ANO1: variants seen among roughly 807,000 people sequenced by gnomAD.
The protein encoded by ANO1 is anoctamin-1.
Under a neutral mutation model 124.0 loss-of-function variants are expected in ANO1, and 59 were observed. The ratio of observed to expected loss-of-function variants is 0.48; its 90% CI spans 0.39 to 0.59. The LOEUF (loss-of-function observed/expected upper bound fraction) is 0.59, where lower values mean the gene tolerates loss of function less well. Ranked by LOEUF, ANO1 falls within the 20% of genes least tolerant of loss-of-function variation. The pLI is 0.00. For missense variants in ANO1, 1,059 were observed against 1,328.0 expected, an observed-to-expected ratio of 0.80 and a Z score of 3.15; for synonymous variants, 529 against 532.0, an observed-to-expected ratio of 0.99 and a Z score of 0.08.
intron 7 of ANO1, among the ~76,000 whole-genome samples, chr11:70,113,739 G>A (rs2045877198): frequency 6.6e-6 from 1 of 152,092 alleles, no homozygotes; most frequent in South Asian, 2.1e-4. Context: ...AAAGGGAAAG[G>A]GGAGAAATGA....
Position 70,163,377 on chromosome 11 carries a change from T to C in ANO1, c.1950+37T>C. On this transcript the variant is annotated intron_variant, in intron 19 of 25. Transcript: ENST00000355303. ...TTTATTCATCTCTGGCAGCCCCTTC[T>C]GTCTTGCTTACGATTTGTCTACACC... The C allele has an allele frequency of 1.9e-6, 3 of 1,610,356 alleles. No individual in the cohort carries two copies. The South Asian group carries it at 3.3e-5, about 18-fold the overall frequency.
intron 1 of ANO1, among the ~76,000 whole-genome samples, chr11:69,996,726 T>A (rs549760273): frequency 6.6e-6 from 1 of 152,138 alleles, no homozygotes. Context: ...TCCAGCATTC[T>A]CTCTCCCCAA....
intron 1 of ANO1, among the ~76,000 whole-genome samples, chr11:70,026,091 T>TGAC (rs1396232387): frequency 6.9e-6 from 1 of 144,460 alleles, no homozygotes; most frequent in Non-Finnish European, 1.5e-5. Context: ...ATGATGATGA[T>TGAC]GATGACGGTG....
chr11:70,095,344 GAAAA>G lies in ANO1; in HGVS notation c.441+7262_441+7265del, dbSNP rs1012629003. 8.9e-4 allele frequency among the ~76,000 whole-genome samples: 88 copies of G among 99,088 alleles called. 3 individuals are homozygous for G. Among genetic ancestry groups the G allele is most frequent in the East Asian group, 1.6e-3 (5 of 3,102 alleles). The allele number at this position is 99,088 out of a possible 152,430, so 65.0% of individuals were successfully genotyped here. A position where few individuals can be genotyped will look rare whatever the true frequency, so the allele number is the denominator to read the frequency against. The stretch of plus-strand genomic sequence containing the variant: ...AGGAAAGAAAGAAAGGAAAGAGAAA[GAAAA>G]AGAAAGAAAGAAAGAAAGAAAGAAA... On this transcript the variant is annotated intron_variant, in intron 2 of 25. Coordinates refer to ENST00000355303, the MANE Select transcript of ANO1 (RefSeq NM_018043.7).
At chr11:70,127,892 A>C (rs988036806) in intron 10 of ANO1, among the ~76,000 whole-genome samples, 1 of 152,224 alleles carries the variant, frequency 6.6e-6, no homozygotes, top group East Asian at 1.9e-4. Flanking sequence ...GGAATTGACT[A>C]TAAAGGGGAA....
rs1334761129 is a variant in ANO1, at chr11:70,084,065, GC to G, written c.109-3685del. 2.6e-5 allele frequency among the ~76,000 whole-genome samples: 4 copies of G among 152,258 alleles called. No homozygotes were observed. The East Asian group carries it at 5.8e-4, about 22-fold the overall frequency. The stretch of plus-strand genomic sequence containing the variant: ...AGGCAAGGAGGAGGGACTGGGGAAG[GC>G]CTGGGGGAGGGGGAGAGGAGACTGG... On this transcript the variant is annotated intron_variant, in intron 1 of 25. Transcript: ENST00000355303.
intron 1 of ANO1, among the ~76,000 whole-genome samples, chr11:70,029,898 C>A (rs1555003636): frequency 6.6e-6 from 1 of 152,162 alleles, no homozygotes; most frequent in Admixed American, 6.5e-5. Flanking sequence ...GTGTCTGTGT[C>A]CTGTGTCCAA....
In ANO1 at chr11:70,078,665, T is replaced by G. The variant is rs780533690; in HGVS notation, c.59T>G (p.Ile20Ser). 6.7e-7 allele frequency: 1 copy of G among 1,499,902 alleles called. No individual in the cohort carries two copies. The highest frequency in any genetic ancestry group is 1.2e-5 in the South Asian group (1 of 86,134). The allele number at this position is 1,499,902 out of a possible 1,614,324, so 92.9% of individuals were successfully genotyped here. A position where few individuals can be genotyped will look rare whatever the true frequency, so the allele number is the denominator to read the frequency against. ...LPAEDRSVHI[I>S]NICAIEDIGY... Reference sequence around the variant, plus strand: ...GCCGAGGACCGCAGCGTCCACATCATCAACATCTGCGCCATCGAGGACATC... The same window carrying G: ...GCCGAGGACCGCAGCGTCCACATCAGCAACATCTGCGCCATCGAGGACATC... The change falls in exon 1 of 26, where the codon ATC becomes AGC. Residue 20 changes from isoleucine to serine, a missense_variant. By Grantham distance (142) the Ile-to-Ser change is moderately radical. Around this residue, in one of 2 missense-constraint regions of ANO1, gnomAD observed 250 missense variants for 233.1 expected, o/e 1.07. Transcript: ENST00000355303.
intron 8 of ANO1, among the ~76,000 whole-genome samples, chr11:70,118,389 A>T (rs529950310): frequency 6.6e-6 from 1 of 152,082 alleles, no homozygotes; most frequent in African/African-American, 2.4e-5. Flanking sequence ...CCAGCTGTTT[A>T]CTCTACCTGG....
intron 22 of ANO1, among the ~76,000 whole-genome samples, chr11:70,177,953 G>A (rs2048789851): frequency 6.6e-6 from 1 of 152,204 alleles, no homozygotes. Flanking sequence ...GCATTTTTAA[G>A]CAGTAGACAA....
chr11:70,123,885 G>C (rs1043655211), intron 8 of ANO1, among the ~76,000 whole-genome samples: 2 of 152,034 alleles, frequency 1.3e-5, no homozygotes, highest in Admixed American at 6.6e-5. Context: ...CCCAAAGCCT[G>C]GGGGGGTAAC....
intron 2 of ANO1, among the ~76,000 whole-genome samples, chr11:70,097,689 A>G (rs2045057990): frequency 6.6e-6 from 1 of 152,166 alleles, no homozygotes. Flanking sequence ...CATAGCTACC[A>G]AAAGGTTGGA....
chr11:70,054,872 A>C (rs781824380), intron 1 of ANO1, among the ~76,000 whole-genome samples: 5 of 152,200 alleles, frequency 3.3e-5, no homozygotes. Context: ...TTAGGCTCAA[A>C]TGCATTTAGG....
intron 8 of ANO1, among the ~76,000 whole-genome samples, chr11:70,116,894 T>A (rs1423112339): frequency 6.6e-6 from 1 of 152,050 alleles, no homozygotes; most frequent in Non-Finnish European, 1.5e-5. Context: ...GCAAATAAAC[T>A]TGGGAACCAC....
chr11:70,064,229 C>G (rs1226195933), intron 1 of ANO1: 1 of 152,308 alleles, frequency 6.6e-6, no homozygotes, highest in South Asian at 2.1e-4. Flanking sequence ...CAGCCCCTGG[C>G]TCTCACGCAC....
chr11:70,046,208 A>C (rs1857257559), intron 1 of ANO1, among the ~76,000 whole-genome samples: 1 of 152,190 alleles, frequency 6.6e-6, no homozygotes, highest in African/African-American at 2.4e-5. Flanking sequence ...TGATCTTTTT[A>C]ATAAAAGCTT....
rs746634159 is a variant in ANO1 at position 70,187,901 on chromosome 11, G to A, written c.2858G>A (p.Arg953Gln). 19 of 1,597,854 alleles carry A rather than the reference G, an allele frequency of 1.2e-5. No individual in the cohort carries two copies. The South Asian group carries it at 1.4e-4, about 11-fold the overall frequency. Residue 953 changes from arginine (R) to glutamine (Q), a missense_variant, in exon 26 of 26, where the codon CGG becomes CAG. Transcript: ENST00000355303. Reference sequence around the variant, plus strand: ...CTGGAAACCTGGATGGAGAAGGAGCGGCAGAAGGACGAGCCGCCGTGCAAC... The same window carrying A: ...CTGGAAACCTGGATGGAGAAGGAGCAGCAGAAGGACGAGCCGCCGTGCAAC... Reference protein sequence around the residue: ...QLLETWMEKERQKDEPPCNHH... With the variant: ...QLLETWMEKEQQKDEPPCNHH...
At chr11:70,002,388 C>T (rs1036216783) in intron 1 of ANO1, among the ~76,000 whole-genome samples, 11 of 139,610 alleles carry the variant, frequency 7.9e-5, no homozygotes, top group Admixed American at 5.8e-4. Flanking sequence ...TGCTTGAACC[C>T]GAGAGGCAGA....
At chr11:70,166,191 G>A (rs1364075555) in intron 20 of ANO1, among the ~76,000 whole-genome samples, 4 of 151,904 alleles carry the variant, frequency 2.6e-5, no homozygotes, top group East Asian at 1.9e-4. Context: ...GGTGGCGGGC[G>A]CCTGTAGTCC....
Sources: gnomAD v4.1 joint callset for allele counts (sites outside exome capture counted in the v4.1 genomes callset) on GRCh38, gnomAD v4.1.1 for gene constraint, gnomAD v4.1.1 regional missense constraint, MANE v1.5 for transcripts, NCBI Gene and HGNC (gene_info 2026-07-23, HGNC 2026-07-21) for gene names.